SMCO2: variants seen among roughly 807,000 people sequenced by gnomAD.
SMCO2 encodes the protein single-pass membrane and coiled-coil domain-containing protein 2.
A neutral mutation model predicts 29.5 loss-of-function variants in SMCO2; 25 were observed. The ratio of observed to expected loss-of-function variants is 0.85; its 90% CI spans 0.62 to 1.18. The LOEUF (loss-of-function observed/expected upper bound fraction) is 1.18, where lower values mean the gene tolerates loss of function less well. Ranked by LOEUF, SMCO2 falls within the 50% of genes most tolerant of loss-of-function variation. The probability of loss-of-function intolerance (pLI) is 0.00; values close to 1 mark genes in which losing one functional copy is unlikely to be tolerated. For synonymous variants in SMCO2, 117 were observed against 123.3 expected (o/e 0.95, Z 0.34); for missense variants, 348 against 344.5 (o/e 1.01, Z -0.08).
At chr12:27,429,775 A>G in the SMCO2 span, among the ~76,000 whole-genome samples, 1 of 152,202 alleles carries the variant, frequency 6.6e-6, no homozygotes, top group Non-Finnish European at 1.5e-5. Context: ...TTTAGAATGA[A>G]TTTCTTGGAG....
the SMCO2 span, among the ~76,000 whole-genome samples, chr12:27,450,931 C>T: frequency 6.6e-6 from 1 of 152,144 alleles, no homozygotes; most frequent in African/African-American, 2.4e-5. Flanking sequence ...TAAATAATTT[C>T]TTGGGAGGAG....
chr12:27,463,952 C>A (rs776074164), upstream of SMCO2, among the ~76,000 whole-genome samples: 1 of 152,142 alleles, frequency 6.6e-6, no homozygotes, highest in Non-Finnish European at 1.5e-5. Flanking sequence ...AGCAACAGTG[C>A]GGAGGCAGAG....
chr12:27,475,775 T>C, intron 4 of SMCO2, 44 bp downstream of exon 5: 1 of 1,397,018 alleles, frequency 7.2e-7, no homozygotes, highest in Non-Finnish European at 9.3e-7. Context: ...AGCAGAAAGT[T>C]TCATAGCTTT....
At chr12:27,492,456 G>T (rs561825591) in intron 5 of SMCO2, among the ~76,000 whole-genome samples, 124 of 152,228 alleles carry the variant, frequency 8.1e-4, no homozygotes, top group African/African-American at 2.8e-3. Context: ...CCAGCACTTT[G>T]GGGGGCCAAG....
At chr12:27,472,425 A>G (rs1180442249) in intron 2 of SMCO2, among the ~76,000 whole-genome samples, 1 of 152,112 alleles carries the variant, frequency 6.6e-6, no homozygotes, top group Non-Finnish European at 1.5e-5. Context: ...TAAACCACAT[A>G]AGGTTTTTAA....
At chr12:27,463,220 G>A (rs1307634985), upstream of SMCO2, among the ~76,000 whole-genome samples, 1 of 152,128 alleles carries the variant, frequency 6.6e-6, no homozygotes, top group Non-Finnish European at 1.5e-5. Flanking sequence ...TCTTCCCGTA[G>A]GCTGGGAACT....
chr12:27,472,993 G>T, intron 3 of SMCO2, 118 bp downstream of exon 3: 1 of 739,648 alleles, frequency 1.4e-6, no homozygotes, highest in Non-Finnish European at 2.2e-6. Flanking sequence ...TCTTCTAATT[G>T]GTGCAGAACT....
At chr12:27,454,162 T>G in the SMCO2 span, among the ~76,000 whole-genome samples, 2 of 152,244 alleles carry the variant, frequency 1.3e-5, no homozygotes, top group Non-Finnish European at 2.9e-5. Flanking sequence ...TTTTTAAATT[T>G]TTTGTAGAGA....
intron 3 of SMCO2, 97 bp from the exon 4 acceptor site, chr12:27,474,689 T>C: frequency 1.4e-6 from 2 of 1,412,096 alleles, no homozygotes; most frequent in Non-Finnish European, 9.6e-7. Context: ...GACTATGTGC[T>C]TGACCCCAGC....
At chr12:27,470,643 G>C (rs373506540) in exon 2 of SMCO2, 1 of 1,550,660 alleles carries the variant, frequency 6.4e-7, no homozygotes, top group African/African-American at 1.4e-5. Context: ...TGGCTCTCAC[G>C]CCCACAAACC....
chr12:27,446,683 C>T, the SMCO2 span: 2 of 152,242 alleles, frequency 1.3e-5, no homozygotes, highest in Admixed American at 1.3e-4. Context: ...CATCTCTCTG[C>T]TTCTGATTGG....
At chr12:27,457,868 G>A in the SMCO2 span, among the ~76,000 whole-genome samples, 8,613 of 152,230 alleles carry the variant, frequency 0.057, 717 homozygotes, top group African/African-American at 0.18. Context: ...TCTTAGGGGA[G>A]GTAGGATGGT....
chr12:27,434,743 T>C, the SMCO2 span, among the ~76,000 whole-genome samples: 1 of 152,120 alleles, frequency 6.6e-6, no homozygotes, highest in Admixed American at 6.6e-5. Flanking sequence ...GCTATGGAAA[T>C]AGTCCAAACT....
At chr12:27,475,884 A>T (rs1448446888) in intron 4 of SMCO2, among the ~76,000 whole-genome samples, 153 bp downstream of exon 5, 1 of 152,078 alleles carries the variant, frequency 6.6e-6, no homozygotes, top group Non-Finnish European at 1.5e-5. Flanking sequence ...TCATTTAAAA[A>T]ATTGGGTTGC....
At chr12:27,480,987 T>G (rs557602614) in intron 4 of SMCO2, among the ~76,000 whole-genome samples, 1 of 152,298 alleles carries the variant, frequency 6.6e-6, no homozygotes, top group East Asian at 1.9e-4. Flanking sequence ...CCTTTGTCCT[T>G]GGGGCAGCCT....
intron 1 of SMCO2, among the ~76,000 whole-genome samples, chr12:27,469,767 C>T (rs140704159): frequency 1.6e-4 from 25 of 152,322 alleles, no homozygotes; most frequent in East Asian, 7.7e-4. Context: ...CTATCTCACA[C>T]GTCTCTACCT....
At chr12:27,483,068 A>T (rs12298349) in intron 4 of SMCO2, among the ~76,000 whole-genome samples, 3,211 of 152,304 alleles carry the variant, frequency 0.021, 104 homozygotes, top group African/African-American at 0.074. Context: ...ATGGCGCTGA[A>T]TATGGTCTAT....
chr12:27,454,121 A>G, the SMCO2 span, among the ~76,000 whole-genome samples: 2 of 152,084 alleles, frequency 1.3e-5, no homozygotes, highest in Non-Finnish European at 2.9e-5. Context: ...AGTAGCTGGG[A>G]CCACAGTCAT....
chr12:27,498,750 T>G (rs1243834157), intron 7 of SMCO2, among the ~76,000 whole-genome samples: 1 of 149,138 alleles, frequency 6.7e-6, no homozygotes, highest in Non-Finnish European at 1.5e-5. Context: ...AACAACCCAG[T>G]TTGAAAAACA....
Sources: gnomAD v4.1 joint callset for allele counts (sites outside exome capture counted in the v4.1 genomes callset) on GRCh38, gnomAD v4.1.1 for gene constraint, MANE v1.5 for transcripts, NCBI Gene and HGNC (gene_info 2026-07-23, HGNC 2026-07-21) for gene names.